The following MYH1 variants were observed in gnomAD, a reference collection of about 807,000 sequenced individuals.
The protein encoded by MYH1 is myosin-1.
MYH1 carries 214 observed loss-of-function variants against 225.6 expected under a neutral mutation model. The observed-to-expected ratio is 0.95, with a 90% CI of 0.85 to 1.06. The LOEUF (loss-of-function observed/expected upper bound fraction) is 1.06, where lower values mean the gene tolerates loss of function less well. MYH1 is among the 50% of genes least tolerant of loss of function. MYH1 has a pLI of 0.00. For synonymous variants in MYH1, 774 were observed against 842.3 expected (o/e 0.92, Z 1.40); for missense variants, 2,098 against 2,344.2 (o/e 0.89, Z 2.17).
chr17:10,512,863 T>C lies in MYH1; in HGVS notation c.904+4A>G. The C allele has an allele frequency of 6.2e-7, 1 of 1,608,408 alleles. No individual in the cohort carries two copies. Among genetic ancestry groups the C allele is most frequent in the Non-Finnish European group, 8.5e-7 (1 of 1,174,854 alleles). ...AATCTTCTAGCTATGAATTTATTTC[T>C]TACCAATTAGATCTGGCTTCTTGTT... On this transcript the variant is annotated splice_donor_region_variant and intron_variant, in intron 10 of 39. Coordinates refer to ENST00000226207, the MANE Select transcript of MYH1 (RefSeq NM_005963.4).
intron 39 of MYH1, 142 bp downstream of exon 39, chr17:10,494,212 T>G (rs1597433203): frequency 1.3e-6 from 1 of 745,676 alleles, no homozygotes; most frequent in Non-Finnish European, 2.1e-6. Context: ...AGGTGGTTGG[T>G]TTTACCTCAG....
intron 28 of MYH1, among the ~76,000 whole-genome samples, chr17:10,500,368 A>G (rs2073038881): frequency 6.6e-6 from 1 of 150,622 alleles, no homozygotes; most frequent in African/African-American, 2.4e-5. Flanking sequence ...CTCTTTATAT[A>G]TATATATATA....
At position 10,515,825 on chromosome 17, in the gene MYH1, G is replaced by A; in HGVS notation, c.505+101C>T. The A allele has an allele frequency of 1.9e-6, 3 of 1,581,494 alleles. No individual in the cohort carries two copies. In the South Asian group the frequency reaches 3.5e-5, roughly 18 times the overall value. On this transcript the variant is annotated intron_variant, in intron 5 of 39. Transcript: ENST00000226207. Reference sequence around the variant, plus strand: ...TAGTCACCTCTGCTGAACAACCAGGGGCGTGAATTGGGTTTTTTTCTAAAG... The same window carrying A: ...TAGTCACCTCTGCTGAACAACCAGGAGCGTGAATTGGGTTTTTTTCTAAAG...
chr17:10,497,561 T>A (rs573969230), intron 31 of MYH1, 109 bp from the exon 32 acceptor site: 1 of 1,485,236 alleles, frequency 6.7e-7, no homozygotes, highest in African/African-American at 1.4e-5. Context: ...TGAAAAAAAA[T>A]TATGAATGAG....
chr17:10,494,779 C>T (rs934417686), intron 37 of MYH1, 106 bp from the exon 38 acceptor site: 1 of 1,582,758 alleles, frequency 6.3e-7, no homozygotes, highest in Admixed American at 1.8e-5. Context: ...TTTTAATGCC[C>T]TAGTTCAGTT....
Position 10,501,335 on chromosome 17 carries a change from C to G in MYH1, c.3513G>C (p.Arg1171=). ...TSAQIEMNKK[R]EAEFQKMRRD... is the part of the protein sequence containing the mutation. ...TGCGCATTTTCTGGAACTCAGCCTC[C>G]CGCTTCTTGTTCATCTCAATCTGGG... Residue 1171 remains arginine, a synonymous_variant, in exon 27 of 40, where the codon CGG becomes CGC. Coordinates refer to ENST00000226207, the MANE Select transcript of MYH1 (RefSeq NM_005963.4). The G allele has an allele frequency of 6.2e-7, 1 of 1,614,150 alleles. No individual in the cohort carries two copies. The highest frequency in any genetic ancestry group is 8.5e-7 in the Non-Finnish European group (1 of 1,180,030).
At position 10,495,948 on chromosome 17, in the gene MYH1, A is replaced by C. The variant is rs539225867; in HGVS notation, c.5169+2T>G. On this transcript the variant is annotated splice_donor_variant, in intron 35 of 39. Transcript: ENST00000226207. LOFTEE classifies it high-confidence loss of function. ...TTGTTGCTATTCTATTATTACATGC[A>C]CCTGGGTGTGCAGGAGCTGAACACG... 4 of 1,614,028 alleles carry C rather than the reference A, an allele frequency of 2.5e-6. No individual in the cohort carries two copies. In the South Asian group the frequency reaches 3.3e-5, roughly 13 times the overall value.
At chr17:10,493,779 G>A (rs1210467922) in intron 39 of MYH1, among the ~76,000 whole-genome samples, 1 of 152,022 alleles carries the variant, frequency 6.6e-6, no homozygotes, top group African/African-American at 2.4e-5. Flanking sequence ...CATCTCCCAA[G>A]TGCAACCTAT....
Position 10,501,837 on chromosome 17 carries a change from G to A in MYH1, c.3186C>T (p.Asp1062=). The stretch of plus-strand genomic sequence containing the variant: ...TTGTGGATTCTTGAGCCAATTTTAG[G>A]TCTCCCTCTAGTTTTCTCTTTGCTC... ...LERAKRKLEG[D]LKLAQESTMD... Residue 1062 remains aspartate, a synonymous_variant, in exon 25 of 40, where the codon GAC becomes GAT. Coordinates refer to ENST00000226207, the MANE Select transcript of MYH1 (RefSeq NM_005963.4). The A allele has an allele frequency of 6.2e-7, 1 of 1,613,342 alleles. No individual in the cohort carries two copies. Among genetic ancestry groups the A allele is most frequent in the Non-Finnish European group, 8.5e-7 (1 of 1,179,562 alleles).
intron 28 of MYH1, among the ~76,000 whole-genome samples, 171 bp downstream of exon 28, chr17:10,500,455 T>C (rs1465507460): frequency 6.6e-6 from 1 of 151,976 alleles, no homozygotes; most frequent in African/African-American, 2.4e-5. Context: ...TTCTCTCGTA[T>C]ATATATGAAA....
intron 9 of MYH1, 56 bp downstream of exon 9, chr17:10,513,570 C>A: frequency 1.8e-5 from 28 of 1,534,304 alleles, no homozygotes; most frequent in Non-Finnish European, 2.5e-5. Flanking sequence ...GCAAAGTGTT[C>A]CTCCAAACCA....
Position 10,497,891 on chromosome 17 carries a change from T to A in MYH1, c.4208A>T (p.Asp1403Val). ...CACAGCTTCTACATGTTCCTCAGCATCCTGCAGACGCTGAGCCAGCTTCTT... is the reference window on the plus strand; with the variant it reads ...CACAGCTTCTACATGTTCCTCAGCAACCTGCAGACGCTGAGCCAGCTTCTT... ...AKKKLAQRLQDAEEHVEAVNA... is the reference protein window; with the variant it reads ...AKKKLAQRLQVAEEHVEAVNA... The change falls in exon 31 of 40, where the codon GAT (aspartate) becomes GTT (valine). Residue 1403 changes from aspartate to valine, a missense_variant. Coordinates refer to ENST00000226207, the MANE Select transcript of MYH1 (RefSeq NM_005963.4). The A allele has an allele frequency of 6.2e-7, 1 of 1,606,874 alleles. No homozygotes were observed. The highest frequency in any genetic ancestry group is 8.5e-7 in the Non-Finnish European group (1 of 1,178,370).
At chr17:10,510,211 AATGATT>A (rs2073157896) in intron 14 of MYH1, among the ~76,000 whole-genome samples, 1 of 152,036 alleles carries the variant, frequency 6.6e-6, no homozygotes, top group Admixed American at 6.6e-5. Flanking sequence ...GAGGTTTCTT[AATGATT>A]ATGATTATGT....
At chr17:10,510,527 T>C (rs1366044476) in intron 14 of MYH1, among the ~76,000 whole-genome samples, 2 of 152,190 alleles carry the variant, frequency 1.3e-5, no homozygotes, top group South Asian at 2.1e-4. Context: ...TTGTAACTAC[T>C]CCTAGAACTT....
chr17:10,503,105 C>T lies in MYH1; in HGVS notation c.2835G>A (p.Arg945=), dbSNP rs2073074986. ...EINAELTAKK[R]KLEDECSELK... ...GTTCTGAACATTCATCCTCCAGTTT[C>T]CTCTTCTTGGCTGTCAGCTCAGCAT... Residue 945 remains arginine (R), a synonymous_variant, in exon 23 of 40, where the codon AGG becomes AGA. Coordinates refer to ENST00000226207, the MANE Select transcript of MYH1 (RefSeq NM_005963.4). The T allele has an allele frequency of 1.9e-6, 3 of 1,612,502 alleles. No individual in the cohort carries two copies. The highest frequency in any genetic ancestry group is 1.3e-5 in the African/African-American group (1 of 74,790).
At chr17:10,495,860 T>C in intron 35 of MYH1, 90 bp downstream of exon 35, 1 of 1,468,560 alleles carries the variant, frequency 6.8e-7, no homozygotes, top group Non-Finnish European at 9.2e-7. Context: ...CATGAAATCT[T>C]ATAAATAGAT....
Position 10,505,287 on chromosome 17 carries a change from C to T in MYH1, c.2311G>A (p.Ala771Thr). Residue 771 changes from alanine to threonine, a missense_variant, in exon 21 of 40, where the codon GCT becomes ACT. Physicochemically the swap from Ala to Thr is moderately conservative, Grantham distance 58 (BLOSUM62 0). Coordinates refer to ENST00000226207, the MANE Select transcript of MYH1 (RefSeq NM_005963.4). The part of the protein sequence containing the change: ...KFGHTKVFFK[A>T]GLLGLLEEMR... The stretch of plus-strand genomic sequence containing the variant: ...TCCTCTAGGAGCCCCAGAAGACCAG[C>T]TTTGAAAAAGACCTATGTGTGGGAA... 6.2e-7 allele frequency: 1 copy of T among 1,614,164 alleles called. No individual in the cohort carries two copies. Among genetic ancestry groups the T allele is most frequent in the Non-Finnish European group, 8.5e-7 (1 of 1,180,044 alleles).
intron 35 of MYH1, among the ~76,000 whole-genome samples, chr17:10,495,577 C>T (rs1300062329): frequency 1.3e-5 from 2 of 151,240 alleles, no homozygotes; most frequent in African/African-American, 2.4e-5. Flanking sequence ...CTGGCTAACA[C>T]GGTGAAACCC....
chr17:10,502,246 G>A (rs569916044), intron 24 of MYH1, among the ~76,000 whole-genome samples: 7 of 152,108 alleles, frequency 4.6e-5, no homozygotes, highest in Non-Finnish European at 1.0e-4. Flanking sequence ...CCTTACTCAG[G>A]CATTTTCAGT....
Sources: gnomAD v4.1 joint callset for allele counts (sites outside exome capture counted in the v4.1 genomes callset) on GRCh38, gnomAD v4.1.1 for gene constraint, MANE v1.5 for transcripts, NCBI Gene and HGNC (gene_info 2026-07-23, HGNC 2026-07-21) for gene names.